Variants in JADE3 observed in about 807,000 individuals in gnomAD.
The protein encoded by JADE3 is protein Jade-3.
In JADE3, 2 loss-of-function variants were observed where a neutral mutation model predicts 50.1. The observed-to-expected ratio is 0.04, with a 90% confidence interval of 0.02 to 0.13. The LOEUF (loss-of-function observed/expected upper bound fraction) is 0.13. JADE3 is among the 10% of genes least tolerant of loss of function. The pLI is 1.00. For synonymous variants in JADE3, 218 were observed against 232.9 expected (o/e 0.94, Z 0.58); for missense variants, 475 against 634.4 (o/e 0.75, Z 2.70).
upstream of JADE3, chrX:46,912,377 G>A (rs1556335240): frequency 8.9e-6 from 1 of 112,154 alleles, no homozygotes; most frequent in African/African-American, 3.2e-5. Context: ...TGGGAGGAGA[G>A]GTTGGGGGAG....
chrX:47,030,221 C>G (rs1229130654), intron 6 of JADE3, among the ~76,000 whole-genome samples: 1 of 111,243 alleles, frequency 9.0e-6, no homozygotes, highest in African/African-American at 3.3e-5. Context: ...TATGTTTGTC[C>G]TTTACAGTTG....
chrX:46,948,518 A>G (rs1926931163), intron 1 of JADE3, among the ~76,000 whole-genome samples: 1 of 112,076 alleles, frequency 8.9e-6, no homozygotes, highest in Non-Finnish European at 1.9e-5. Context: ...GGCAATGAAG[A>G]TACAGGTTAA....
At chrX:46,975,433 A>T (rs1927591622) in intron 1 of JADE3, among the ~76,000 whole-genome samples, 1 of 112,107 alleles carries the variant, frequency 8.9e-6, no homozygotes, top group Admixed American at 9.5e-5. Flanking sequence ...AATGTTAGTA[A>T]ATTGGTTTAT....
intron 1 of JADE3, among the ~76,000 whole-genome samples, chrX:46,931,477 A>G (rs1926489082): frequency 9.1e-6 from 1 of 110,415 alleles, no homozygotes; most frequent in Non-Finnish European, 1.9e-5. Flanking sequence ...GCTGGAATGC[A>G]ATGGCACGAT....
At chrX:47,015,349 A>G (rs1556362622) in intron 4 of JADE3, among the ~76,000 whole-genome samples, 3 of 111,715 alleles carry the variant, frequency 2.7e-5, no homozygotes, top group Non-Finnish European at 5.6e-5. Flanking sequence ...TGGGAGGCCA[A>G]GGTGAGTGGA....
chrX:47,038,321 A>G (rs782469470), intron 7 of JADE3, among the ~76,000 whole-genome samples: 3 of 110,961 alleles, frequency 2.7e-5, no homozygotes, highest in African/African-American at 6.6e-5. Context: ...CAACAGTGGG[A>G]TTGCTGGATA....
intron 4 of JADE3, among the ~76,000 whole-genome samples, chrX:47,000,724 G>C (rs150287860): frequency 0.011 from 1,199 of 110,298 alleles, 12 homozygotes; most frequent in Non-Finnish European, 0.017. Context: ...GGATATTTTT[G>C]TATTTTTAAT....
At chrX:46,930,638 T>C (rs897930333) in intron 1 of JADE3, among the ~76,000 whole-genome samples, 2 of 111,543 alleles carry the variant, frequency 1.8e-5, no homozygotes, top group Non-Finnish European at 3.8e-5. Flanking sequence ...CAACCAAACT[T>C]CCCAGTCCTC....
intron 4 of JADE3, among the ~76,000 whole-genome samples, chrX:47,008,138 A>T (rs1928479021): frequency 8.9e-6 from 1 of 111,785 alleles, no homozygotes; most frequent in African/African-American, 3.3e-5. Flanking sequence ...TAACCATGGG[A>T]ATATGGGGAT....
chrX:47,030,708 T>G (rs5952989), intron 6 of JADE3, among the ~76,000 whole-genome samples: 2,143 of 112,118 alleles, frequency 0.019, 60 homozygotes, highest in African/African-American at 0.064. Flanking sequence ...GATGTGTACA[T>G]AAGTAGCCTT....
chrX:46,937,555 C>T (rs782415702), intron 1 of JADE3, among the ~76,000 whole-genome samples: 2 of 112,096 alleles, frequency 1.8e-5, no homozygotes, highest in Non-Finnish European at 3.8e-5. Flanking sequence ...TTTTGCTTCA[C>T]GTATTTTGAA....
intron 1 of JADE3, among the ~76,000 whole-genome samples, chrX:46,923,359 G>T (rs1187147237): frequency 2.2e-5 from 2 of 89,282 alleles, no homozygotes; most frequent in African/African-American, 7.6e-5. Flanking sequence ...TTTGCTGTGG[G>T]TACCAGAGAT....
At chrX:46,987,337 A>G (rs1927884961) in intron 3 of JADE3, among the ~76,000 whole-genome samples, 1 of 112,280 alleles carries the variant, frequency 8.9e-6, no homozygotes, top group Non-Finnish European at 1.9e-5. Flanking sequence ...TACATAACAT[A>G]ATATAATCAT....
intron 1 of JADE3, among the ~76,000 whole-genome samples, chrX:46,956,193 T>C (rs1556346263): frequency 9.9e-5 from 11 of 111,494 alleles, no homozygotes; most frequent in Non-Finnish European, 1.5e-4. Flanking sequence ...GCCTCCCAAG[T>C]AGCTGGGATT....
At chrX:47,045,550 G>A (rs913890124) in intron 8 of JADE3, among the ~76,000 whole-genome samples, 9 of 112,583 alleles carry the variant, frequency 8.0e-5, no homozygotes, top group Admixed American at 4.7e-4. Context: ...AATCAACCAA[G>A]TAGATATTTA....
intron 1 of JADE3, among the ~76,000 whole-genome samples, chrX:46,937,714 C>G (rs1161322996): frequency 8.9e-6 from 1 of 112,071 alleles, no homozygotes; most frequent in Non-Finnish European, 1.9e-5. Context: ...GGCGTGGTGG[C>G]TCACGCCTGT....
chrX:47,022,450 G>T (rs1285812910), intron 4 of JADE3, among the ~76,000 whole-genome samples: 1 of 111,954 alleles, frequency 8.9e-6, no homozygotes, highest in African/African-American at 3.2e-5. Context: ...CTTTATTCAG[G>T]TTCATTATTT....
At chrX:47,008,561 T>C (rs1419888204) in intron 4 of JADE3, among the ~76,000 whole-genome samples, 1 of 112,102 alleles carries the variant, frequency 8.9e-6, no homozygotes, top group Non-Finnish European at 1.9e-5. Flanking sequence ...TATTTCACTA[T>C]ATGTTTATAG....
chrX:46,956,570 A>C (rs1173068643), intron 1 of JADE3, among the ~76,000 whole-genome samples: 1 of 110,058 alleles, frequency 9.1e-6, no homozygotes, highest in African/African-American at 3.3e-5. Context: ...TCTGTCAGCC[A>C]GGCTGGAGTG....
Sources: allele counts gnomAD v4.1 joint callset (sites outside exome capture counted in the v4.1 genomes callset), GRCh38; gene constraint gnomAD v4.1.1; transcripts MANE v1.5; gene names NCBI Gene and HGNC (gene_info 2026-07-23, HGNC 2026-07-21).